Variants in DGKH observed in about 807,000 individuals in gnomAD.
The protein encoded by DGKH is DAG kinase eta.
DGKH carries 90 observed loss-of-function variants against 159.3 expected under a neutral mutation model. That is an observed-to-expected ratio of 0.57 (90% CI 0.48 to 0.67). The LOEUF is 0.67. DGKH is among the 30% of genes least tolerant of loss of function. The pLI, the probability that DGKH is intolerant of heterozygous loss-of-function variation, is 0.00. For missense variants in DGKH, 1,181 were observed against 1,506.1 expected, an observed-to-expected ratio of 0.78 and a Z score of 3.57; for synonymous variants, 536 against 553.8, an observed-to-expected ratio of 0.97 and a Z score of 0.45.
intron 1 of DGKH, among the ~76,000 whole-genome samples, chr13:42,083,306 G>A (rs1213645792): frequency 6.6e-6 from 1 of 152,176 alleles, no homozygotes; most frequent in Admixed American, 6.5e-5. Context: ...GAAATCCAGA[G>A]GGGTGGTGAT....
intron 24 of DGKH, among the ~76,000 whole-genome samples, chr13:42,212,671 T>C (rs1248250423): frequency 1.3e-5 from 2 of 152,204 alleles, no homozygotes; most frequent in African/African-American, 4.8e-5. Flanking sequence ...ATTTTCAGAA[T>C]TTATTCATTG....
At chr13:42,195,260 G>A (rs1411364773) in intron 17 of DGKH, among the ~76,000 whole-genome samples, 1 of 152,128 alleles carries the variant, frequency 6.6e-6, no homozygotes, top group Non-Finnish European at 1.5e-5. Flanking sequence ...CAGCACTTTG[G>A]GAAGCCAAGA....
chr13:42,090,603 C>G (rs1954398558), intron 1 of DGKH, among the ~76,000 whole-genome samples: 1 of 152,154 alleles, frequency 6.6e-6, no homozygotes, highest in African/African-American at 2.4e-5. Flanking sequence ...CACATATGGT[C>G]TAATGATTTT....
intron 1 of DGKH, among the ~76,000 whole-genome samples, chr13:42,058,385 G>A (rs1437053563): frequency 1.3e-5 from 2 of 152,100 alleles, no homozygotes; most frequent in African/African-American, 4.8e-5. Flanking sequence ...GTTAAGTGAG[G>A]ACTTACTGAA....
intron 13 of DGKH, among the ~76,000 whole-genome samples, chr13:42,184,889 A>T (rs9594694): frequency 0.017 from 810 of 46,854 alleles, 5 homozygotes; most frequent in African/African-American, 0.077. Context: ...TTTTTTTTTT[A>T]AAAAAAAAGT....
At chr13:42,086,124 TC>T (rs1469449197) in intron 1 of DGKH, among the ~76,000 whole-genome samples, 3 of 152,078 alleles carry the variant, frequency 2.0e-5, no homozygotes, top group Non-Finnish European at 2.9e-5. Flanking sequence ...CATCATGTTG[TC>T]CAGGCTGGGC....
intron 5 of DGKH, among the ~76,000 whole-genome samples, chr13:42,158,129 C>T (rs1956090123): frequency 6.6e-6 from 1 of 152,122 alleles, no homozygotes; most frequent in Non-Finnish European, 1.5e-5. Context: ...AGTCATGATA[C>T]CTGAAGCACT....
At position 42,236,744 on chromosome 13, in the gene DGKH, A is replaced by T. The variant is rs1958420689; in HGVS notation, c.*7556A>T. On this transcript the variant is annotated 3_prime_UTR_variant, in exon 30 of 30. Coordinates refer to ENST00000337343, the MANE Select transcript of DGKH (RefSeq NM_178009.5). ...AGTTTGAGACCAGCCTGGCCAACTTAATACAAAAATTAGCCAGGTGTGGTG... is the reference window on the plus strand; with the variant it reads ...AGTTTGAGACCAGCCTGGCCAACTTTATACAAAAATTAGCCAGGTGTGGTG... 6.6e-6 allele frequency: 1 copy of T among 152,132 alleles called. No individual in the cohort carries two copies. The highest frequency in any genetic ancestry group is 1.5e-5 in the Non-Finnish European group (1 of 68,066). 9.4% of individuals were successfully genotyped at this position (152,132 alleles called of 1,614,324 possible). A position where few individuals can be genotyped will look rare whatever the true frequency, so the allele number is the denominator to read the frequency against.
chr13:42,208,843 A>G, intron 21 of DGKH, 116 bp from the exon 22 acceptor site: 1 of 306,440 alleles, frequency 3.3e-6, no homozygotes, highest in Non-Finnish European at 5.3e-6. Flanking sequence ...AATAATATTT[A>G]CTTAAATATA....
At chr13:42,123,682 C>G (rs1955117991) in intron 1 of DGKH, among the ~76,000 whole-genome samples, 1 of 152,138 alleles carries the variant, frequency 6.6e-6, no homozygotes, top group African/African-American at 2.4e-5. Context: ...ACTAAAGATT[C>G]AAACAGACAT....
rs1956653936 is a variant in DGKH, at chr13:42,178,146, T to C, written c.1464T>C (p.Tyr488=). 2.5e-6 allele frequency: 4 copies of C among 1,608,166 alleles called. No individual in the cohort carries two copies. The highest frequency in any genetic ancestry group is 3.4e-6 in the Non-Finnish European group (4 of 1,176,146). ...EASEEFYMTI[Y]EDSVATHLTK... The stretch of plus-strand genomic sequence containing the variant: ...TTTCTTTTCTTCAGATGACGATTTA[T>C]GAAGACTCAGTTGCAACGCATCTTA... The change falls in exon 13 of 30, where the codon TAT becomes TAC. Residue 488 remains tyrosine, a synonymous_variant. Coordinates refer to ENST00000337343, the MANE Select transcript of DGKH (RefSeq NM_178009.5).
At chr13:42,251,419 A>G (rs906660132) in intron 29 of DGKH, among the ~76,000 whole-genome samples, 37 of 152,192 alleles carry the variant, frequency 2.4e-4, no homozygotes, top group South Asian at 1.9e-3. Flanking sequence ...AAAAATACAT[A>G]TATTTATTTA....
chr13:42,218,272 G>A (rs144027672), intron 26 of DGKH, among the ~76,000 whole-genome samples: 38 of 152,224 alleles, frequency 2.5e-4, no homozygotes, highest in African/African-American at 8.7e-4. Context: ...GATAATAGGT[G>A]AGCAGTTAAA....
chr13:42,081,554 CT>C (rs1466208137), intron 1 of DGKH, among the ~76,000 whole-genome samples: 1 of 152,136 alleles, frequency 6.6e-6, no homozygotes, highest in Non-Finnish European at 1.5e-5. Flanking sequence ...TTAAAATTAT[CT>C]TTGTATATAT....
chr13:42,161,752 C>A (rs1322692273), intron 7 of DGKH, among the ~76,000 whole-genome samples: 1 of 149,646 alleles, frequency 6.7e-6, no homozygotes, highest in Non-Finnish European at 1.5e-5. Flanking sequence ...TGCACTCCAG[C>A]CTGGGTGACA....
Position 42,166,587 on chromosome 13 carries a change from A to G in DGKH, c.1031A>G (p.Asn344Ser). The G allele has an allele frequency of 6.2e-7, 1 of 1,610,014 alleles. No individual in the cohort carries two copies. The highest frequency in any genetic ancestry group is 1.3e-5 in the African/African-American group (1 of 74,854). Residue 344 changes from asparagine to serine, a missense_variant, in exon 9 of 30, where the codon AAT becomes AGT. Transcript: ENST00000337343. ...TTTGTCAATTCTAAGAGTGGAGATA[A>G]TCAGGGAGTAAAGTTCCTCCGTCGC... Reference protein sequence around the residue: ...LVFVNSKSGDNQGVKFLRRFK... With the variant: ...LVFVNSKSGDSQGVKFLRRFK...
chr13:42,192,594 TTCC>T (rs1957105492), intron 16 of DGKH, among the ~76,000 whole-genome samples: 1 of 100,782 alleles, frequency 9.9e-6, no homozygotes, highest in African/African-American at 3.1e-5. Flanking sequence ...CTTTTTCCTC[TTCC>T]TCTTCTTCTT....
chr13:42,052,627 A>C (rs1433590900), intron 1 of DGKH, among the ~76,000 whole-genome samples: 1 of 152,270 alleles, frequency 6.6e-6, no homozygotes, highest in Admixed American at 6.5e-5. Context: ...ACTGAGAATA[A>C]GATATTTTTG....
chr13:42,219,134 G>A, intron 26 of DGKH, 96 bp from the exon 27 acceptor site: 7 of 1,475,426 alleles, frequency 4.7e-6, no homozygotes, highest in Non-Finnish European at 6.4e-6. Flanking sequence ...TTAATAAGGA[G>A]TGAGGCTGTT....
Sources: gnomAD v4.1 joint callset for allele counts (sites outside exome capture counted in the v4.1 genomes callset) on GRCh38, gnomAD v4.1.1 for gene constraint, MANE v1.5 for transcripts, NCBI Gene and HGNC (gene_info 2026-07-23, HGNC 2026-07-21) for gene names.